The following MYO1E variants were observed in gnomAD, a reference collection of about 807,000 sequenced individuals.
MYO1E encodes myosin IE.
Under a neutral mutation model 151.1 loss-of-function variants are expected in MYO1E, and 68 were observed. The ratio of observed to expected loss-of-function variants is 0.45; its 90% CI spans 0.37 to 0.55. MYO1E has a LOEUF of 0.55. MYO1E is among the 20% of genes least tolerant of loss of function. The pLI, the probability that MYO1E is intolerant of heterozygous loss-of-function variation, is 0.00. For synonymous variants in MYO1E, 601 were observed against 501.7 expected (o/e 1.20, Z -2.64); for missense variants, 1,363 against 1,389.3 (o/e 0.98, Z 0.30).
intron 21 of MYO1E, among the ~76,000 whole-genome samples, chr15:59,173,328 A>G (rs2079606419): frequency 6.6e-6 from 1 of 152,252 alleles, no homozygotes; most frequent in South Asian, 2.1e-4. Flanking sequence ...AAATTGATTC[A>G]TGAGAAACTG....
At position 59,208,058 on chromosome 15, in the gene MYO1E, G is replaced by A. The variant is rs369316285; in HGVS notation, c.1530+623C>T. ...CTGAAAAAAAGTGCAAAAACACTCT[G>A]GGAAATTCAGAATAAGCTTAAGCTT... On this transcript the variant is annotated intron_variant, in intron 14 of 27. Transcript: ENST00000288235. 2.5e-6 allele frequency: 4 copies of A among 1,584,046 alleles called. No individual in the cohort carries two copies. The African/African-American group carries it at 4.1e-5, about 16-fold the overall frequency.
chr15:59,272,344 C>A lies in MYO1E; in HGVS notation c.109G>T (p.Glu37Ter). The change falls in exon 2 of 28, where the codon GAG becomes TAG. Residue 37 changes from glutamate (E) to a stop codon, truncating the protein, a stop_gained. Transcript: ENST00000288235. LOFTEE classifies it high-confidence loss of function. The part of the protein sequence containing the change: ...LSKITENSIV[E>*]NLKKRYMDDY... ...TCCATGTATCTCTTCTTCAGATTCT[C>A]CACGATGGAGTTCTCTGTGATCTTG... 1.2e-6 allele frequency: 2 copies of A among 1,614,126 alleles called. No homozygotes were observed. Among genetic ancestry groups the A allele is most frequent in the Non-Finnish European group, 1.7e-6 (2 of 1,179,970 alleles).
rs148573772 is a variant in MYO1E, at chr15:59,329,293, T to C, written c.3+43205A>G. On this transcript the variant is annotated intron_variant, in intron 1 of 27. Coordinates refer to ENST00000288235, the MANE Select transcript of MYO1E (RefSeq NM_004998.4). ...TCAAGCAACACTATGACGTAGATAC[T>C]GTTCTAACCTATATTCAGTGTGAGA... Among the ~76,000 whole-genome samples the C allele has an allele frequency of 1.8e-3, 269 of 152,288 alleles. 2 individuals carry two copies. The East Asian group carries it at 0.021, about 12-fold the overall frequency.
At chr15:59,236,218 C>T (rs1298458691) in intron 5 of MYO1E, among the ~76,000 whole-genome samples, 1 of 151,908 alleles carries the variant, frequency 6.6e-6, no homozygotes, top group Non-Finnish European at 1.5e-5. Context: ...TGGGGCACAC[C>T]TGTAATCCCA....
At chr15:59,223,971 A>G (rs2079971834) in intron 8 of MYO1E, among the ~76,000 whole-genome samples, 2 of 152,240 alleles carry the variant, frequency 1.3e-5, no homozygotes. Context: ...TTCAACCACA[A>G]ATGTACTGAA....
In MYO1E at chr15:59,246,743, CA is replaced by C. The variant is rs566124961; in HGVS notation, c.332+9540del. Among the ~76,000 whole-genome samples, 507 of 152,308 alleles carry C rather than the reference CA, an allele frequency of 3.3e-3. 9 individuals carry two copies. The highest frequency in any genetic ancestry group is 0.03 in the Admixed American group (453 of 15,292). On this transcript the variant is annotated intron_variant, in intron 4 of 27. Transcript: ENST00000288235. ...AAGGGGAAGACTGAGCTCTGGCCCCCAGACAAATCCACTGGATAACAAGTCA... is the reference window on the plus strand; with the variant it reads ...AAGGGGAAGACTGAGCTCTGGCCCCCGACAAATCCACTGGATAACAAGTCA...
chr15:59,355,869 C>T (rs1026409286), intron 1 of MYO1E, among the ~76,000 whole-genome samples: 16 of 152,262 alleles, frequency 1.1e-4, no homozygotes, highest in African/African-American at 3.4e-4. Context: ...GCACACACCA[C>T]GATGTCTGGC....
intron 19 of MYO1E, among the ~76,000 whole-genome samples, chr15:59,176,131 C>T (rs1203916373): frequency 2.0e-5 from 3 of 151,664 alleles, no homozygotes; most frequent in Non-Finnish European, 4.4e-5. Flanking sequence ...CGATCTCGGC[C>T]CACTGCAAGC....
chr15:59,372,462 G>A, intron 1 of MYO1E, 36 bp downstream of exon 1: 2 of 1,537,366 alleles, frequency 1.3e-6, no homozygotes, highest in South Asian at 1.2e-5. Context: ...CCCGTCCCCG[G>A]GTCCGGCGTC....
chr15:59,308,604 G>A (rs2080530125), intron 1 of MYO1E, among the ~76,000 whole-genome samples: 1 of 151,574 alleles, frequency 6.6e-6, no homozygotes, highest in South Asian at 2.1e-4. Flanking sequence ...CCCGGGAGGT[G>A]GAGGTTGCAG....
chr15:59,327,540 C>T (rs1180398508), intron 1 of MYO1E, among the ~76,000 whole-genome samples: 1 of 152,042 alleles, frequency 6.6e-6, no homozygotes, highest in Non-Finnish European at 1.5e-5. Flanking sequence ...GTCTCAAACT[C>T]CTGGCCTTAA....
intron 1 of MYO1E, among the ~76,000 whole-genome samples, chr15:59,291,824 G>A (rs1292281750): frequency 6.6e-6 from 1 of 151,406 alleles, no homozygotes; most frequent in East Asian, 1.9e-4. Flanking sequence ...TTAAAGAAGG[G>A]AAGGAAATAA....
chr15:59,339,542 C>A (rs1360520205), intron 1 of MYO1E, among the ~76,000 whole-genome samples: 1 of 152,174 alleles, frequency 6.6e-6, no homozygotes, highest in Non-Finnish European at 1.5e-5. Context: ...CCAAGAGACA[C>A]AAAAGGGCAG....
intron 1 of MYO1E, among the ~76,000 whole-genome samples, chr15:59,331,758 T>C (rs2080699492): frequency 6.6e-6 from 1 of 152,238 alleles, no homozygotes; most frequent in Non-Finnish European, 1.5e-5. Context: ...GTTAAAGTAA[T>C]ACCTGTCAGT....
chr15:59,178,229 G>C (rs746920479), intron 19 of MYO1E, among the ~76,000 whole-genome samples, 164 bp downstream of exon 19: 20 of 152,196 alleles, frequency 1.3e-4, no homozygotes, highest in Non-Finnish European at 2.5e-4. Context: ...CAGGTGTTTA[G>C]GGAAGGACCC....
At chr15:59,172,959 C>T (rs1309520732) in intron 21 of MYO1E, among the ~76,000 whole-genome samples, 3 of 152,186 alleles carry the variant, frequency 2.0e-5, no homozygotes, top group African/African-American at 7.2e-5. Context: ...TTGTTTATTT[C>T]GTTAAATTTT....
intron 1 of MYO1E, among the ~76,000 whole-genome samples, chr15:59,371,081 G>A (rs1349652449): frequency 6.6e-6 from 1 of 152,176 alleles, no homozygotes; most frequent in East Asian, 1.9e-4. Flanking sequence ...TCTCTTAGAT[G>A]GGGCAAAAGT....
intron 1 of MYO1E, among the ~76,000 whole-genome samples, chr15:59,316,342 G>C (rs2080588739): frequency 6.6e-6 from 1 of 152,090 alleles, no homozygotes; most frequent in African/African-American, 2.4e-5. Flanking sequence ...CCTTGGCTTT[G>C]AAAAGCTTCC....
At chr15:59,223,224 C>T (rs370796901) in intron 8 of MYO1E, 33 bp from the exon 9 acceptor site, 1 of 1,613,252 alleles carries the variant, frequency 6.2e-7, no homozygotes, top group South Asian at 1.1e-5. Context: ...TCCAGAGAAG[C>T]TGGTCACCAG....
Sources: allele counts gnomAD v4.1 joint callset (sites outside exome capture counted in the v4.1 genomes callset), GRCh38; gene constraint gnomAD v4.1.1; transcripts MANE v1.5; gene names NCBI Gene and HGNC (gene_info 2026-07-23, HGNC 2026-07-21).